Variants in TMEM178B observed in about 807,000 individuals in gnomAD.
TMEM178B encodes the protein transmembrane protein 178B.
TMEM178B carries 5 observed loss-of-function variants against 31.0 expected under a neutral mutation model. The observed-to-expected ratio is 0.16, with a 90% confidence interval of 0.08 to 0.34. The LOEUF is 0.34. Ranked by LOEUF, TMEM178B falls within the 10% of genes least tolerant of loss-of-function variation. The pLI is 1.00. For synonymous variants in TMEM178B, 164 were observed against 164.0 expected (o/e 1.00, Z 0.00); for missense variants, 275 against 400.3 (o/e 0.69, Z 2.67).
chr7:141,396,411 T>A (rs1800639884), intron 2 of TMEM178B, among the ~76,000 whole-genome samples: 1 of 152,190 alleles, frequency 6.6e-6, no homozygotes, highest in Non-Finnish European at 1.5e-5. Context: ...CCATACTTAC[T>A]CTGCTGTGCC....
intron 1 of TMEM178B, among the ~76,000 whole-genome samples, chr7:141,211,904 A>G (rs965698655): frequency 9.2e-5 from 14 of 152,204 alleles, no homozygotes; most frequent in Non-Finnish European, 1.9e-4. Flanking sequence ...TTCCTAGGGA[A>G]TGCTGATGTT....
chr7:141,273,781 C>T (rs1399970017), intron 2 of TMEM178B, among the ~76,000 whole-genome samples: 1 of 152,232 alleles, frequency 6.6e-6, no homozygotes, highest in Non-Finnish European at 1.5e-5. Context: ...TAGCAATGCC[C>T]GTTTCTTTAT....
intron 2 of TMEM178B, among the ~76,000 whole-genome samples, chr7:141,258,341 A>T (rs1028413845): frequency 2.6e-5 from 4 of 151,578 alleles, no homozygotes; most frequent in South Asian, 2.1e-4. Context: ...CTGATGAGTT[A>T]AAAAAAATCG....
chr7:141,405,186 G>T (rs117438026), intron 2 of TMEM178B, among the ~76,000 whole-genome samples: 2,158 of 152,366 alleles, frequency 0.014, 21 homozygotes, highest in South Asian at 0.034. Context: ...CCAGTGGAGG[G>T]CATAGGGATA....
chr7:141,510,176 C>A, the TMEM178B span, among the ~76,000 whole-genome samples: 1 of 152,218 alleles, frequency 6.6e-6, no homozygotes, highest in African/African-American at 2.4e-5. Context: ...AATGTGGTGA[C>A]AGGGTTGGGC....
In TMEM178B at chr7:141,277,385, G is replaced by A. The variant is rs146929923; in HGVS notation, c.496+64681G>A. Among the ~76,000 whole-genome samples, 1,480 of 152,172 alleles carry A rather than the reference G, an allele frequency of 9.7e-3. 15 individuals are homozygous for A. Among genetic ancestry groups the A allele is most frequent in the Middle Eastern group, 0.017 (5 of 294 alleles). The stretch of plus-strand genomic sequence containing the variant: ...TTAGCCTAGGCCTGCATAGGGTTGG[G>A]ATCATCAATCTCGCTGTCTTCCACC... On this transcript the variant is annotated intron_variant, in intron 2 of 3. Coordinates refer to ENST00000565468, the MANE Select transcript of TMEM178B (RefSeq NM_001195278.2).
At chr7:141,506,675 A>T in the TMEM178B span, among the ~76,000 whole-genome samples, 4 of 152,084 alleles carry the variant, frequency 2.6e-5, no homozygotes, top group Non-Finnish European at 5.9e-5. Flanking sequence ...CCCCTCCCAA[A>T]TCTTATGTCC....
rs975622649 is a variant in TMEM178B, at chr7:141,422,872, T to A, written c.497-14736T>A. Among the ~76,000 whole-genome samples, 5 of 152,086 alleles carry A rather than the reference T, an allele frequency of 3.3e-5. No homozygotes were observed. The highest frequency in any genetic ancestry group is 1.2e-4 in the African/African-American group (5 of 41,400). ...TGAAGGCGGCGAGAGCACTATGAGT[T>A]GCAGAACTAGATCGGGGCACTTTGT... On this transcript the variant is annotated intron_variant, in intron 2 of 3. Coordinates refer to ENST00000565468, the MANE Select transcript of TMEM178B (RefSeq NM_001195278.2). This position sits in a 1 kb window ranked among gnomAD's most constrained non-coding sequence, Gnocchi z 4.2.
chr7:141,238,743 C>T (rs1981697), intron 2 of TMEM178B, among the ~76,000 whole-genome samples: 118,345 of 151,640 alleles, frequency 0.78, 46,209 homozygotes, highest in Middle Eastern at 0.89. Flanking sequence ...ACTGTTTATG[C>T]GGATCTAGGC....
At chr7:141,183,218 C>T (rs1334791746) in intron 1 of TMEM178B, among the ~76,000 whole-genome samples, 2 of 152,190 alleles carry the variant, frequency 1.3e-5, no homozygotes, top group African/African-American at 2.4e-5. Context: ...ACTCTTTCAG[C>T]AGCATGGGGT....
chr7:141,170,122 A>G (rs1796324335), intron 1 of TMEM178B, among the ~76,000 whole-genome samples: 1 of 152,214 alleles, frequency 6.6e-6, no homozygotes, highest in Non-Finnish European at 1.5e-5. Context: ...TAACTTTAAA[A>G]TTCTTTGGGT....
chr7:141,196,523 T>C (rs1285785548), intron 1 of TMEM178B, among the ~76,000 whole-genome samples: 2 of 152,218 alleles, frequency 1.3e-5, no homozygotes, highest in African/African-American at 4.8e-5. Flanking sequence ...GGAAGTGGAA[T>C]GTGGAGCAGC....
intron 2 of TMEM178B, among the ~76,000 whole-genome samples, chr7:141,367,215 C>G (rs907254785): frequency 6.6e-6 from 1 of 151,934 alleles, no homozygotes. Context: ...TTTTACAAAC[C>G]AATTATTTGA....
intron 1 of TMEM178B, among the ~76,000 whole-genome samples, chr7:141,181,105 T>C (rs770483104): frequency 9.8e-5 from 15 of 152,306 alleles, no homozygotes; most frequent in Admixed American, 5.9e-4. Context: ...CCATAGAAGG[T>C]ATGATCCTTT....
At chr7:141,505,880 A>G in the TMEM178B span, among the ~76,000 whole-genome samples, 4 of 152,292 alleles carry the variant, frequency 2.6e-5, no homozygotes, top group South Asian at 4.1e-4. Context: ...GAGCTTCCCA[A>G]TGGTGTCGTA....
At position 141,403,400 on chromosome 7, in the gene TMEM178B, A is replaced by G. The variant is rs114104465; in HGVS notation, c.497-34208A>G. ...CTGATCAAGTGTCAGGGCCTTTTCC[A>G]GTGCTGGGCATAGTGTAGATGCTCA... On this transcript the variant is annotated intron_variant, in intron 2 of 3. Coordinates refer to ENST00000565468, the MANE Select transcript of TMEM178B (RefSeq NM_001195278.2). Among the ~76,000 whole-genome samples the G allele has an allele frequency of 5.2e-3, 785 of 152,272 alleles. 5 individuals are homozygous for G. Among genetic ancestry groups the G allele is most frequent in the African/African-American group, 0.016 (680 of 41,546 alleles).
At chr7:141,248,055 A>G (rs531559617) in intron 2 of TMEM178B, among the ~76,000 whole-genome samples, 14 of 149,884 alleles carry the variant, frequency 9.3e-5, no homozygotes, top group Non-Finnish European at 1.8e-4. Context: ...TTTTCAGTCC[A>G]TCTCTAAAGC....
intron 2 of TMEM178B, chr7:141,297,001 C>T (rs979965716): frequency 1.3e-5 from 2 of 152,196 alleles, no homozygotes; most frequent in Non-Finnish European, 1.5e-5. Context: ...TTTGTTTTCT[C>T]ACCATTTACT....
chr7:141,356,779 A>T (rs1799827165), intron 2 of TMEM178B, among the ~76,000 whole-genome samples: 1 of 151,616 alleles, frequency 6.6e-6, no homozygotes, highest in South Asian at 2.1e-4. Context: ...TCAGAACTTG[A>T]CTACCTTTGA....
Sources: gnomAD v4.1 joint callset for allele counts (sites outside exome capture counted in the v4.1 genomes callset) on GRCh38, gnomAD v4.1.1 for gene constraint, Gnocchi (gnomAD v3.1) non-coding constraint, MANE v1.5 for transcripts, NCBI Gene and HGNC (gene_info 2026-07-23, HGNC 2026-07-21) for gene names.